Variants in TRIM26 observed in about 807,000 individuals in gnomAD.
TRIM26 encodes tripartite motif-containing protein 26.
In TRIM26, 16 loss-of-function variants were observed where a neutral mutation model predicts 45.5. The observed-to-expected ratio is 0.35, with a 90% confidence interval of 0.24 to 0.53. The LOEUF is 0.53. Among genes scored for constraint, TRIM26 ranks in the 20% least tolerant of loss-of-function variants. The pLI, the probability that TRIM26 is intolerant of heterozygous loss-of-function variation, is 0.92. For missense variants in TRIM26, 442 were observed against 691.1 expected, an observed-to-expected ratio of 0.64 and a Z score of 4.04; for synonymous variants, 273 against 290.4, an observed-to-expected ratio of 0.94 and a Z score of 0.61.
At position 30,189,329 on chromosome 6, in the gene TRIM26, G is replaced by A. The variant is rs760870815; in HGVS notation, c.904+89C>T. Reference sequence around the variant, plus strand: ...AGAGGCCCTCAGAAGAGTGAGGATCGACAAGGTGATGGAAAGGAGCTGGGT... The same window carrying A: ...AGAGGCCCTCAGAAGAGTGAGGATCAACAAGGTGATGGAAAGGAGCTGGGT... On this transcript the variant is annotated intron_variant, in intron 8 of 9. Coordinates refer to ENST00000454678, the MANE Select transcript of TRIM26 (RefSeq NM_003449.5). This position sits in a 1 kb window ranked among gnomAD's most constrained non-coding sequence, Gnocchi z 5.0. 9 of 1,566,708 alleles carry A rather than the reference G, an allele frequency of 5.7e-6. No individual in the cohort carries two copies. The South Asian group carries it at 7.8e-5, about 14-fold the overall frequency.
intron 9 of TRIM26, among the ~76,000 whole-genome samples, chr6:30,187,990 C>T (rs2517621): frequency 0.1 from 14,806 of 143,278 alleles, 917 homozygotes; most frequent in Non-Finnish European, 0.14. Context: ...GAGGCCGAGG[C>T]GGGTGGATCA....
rs371337600 is a variant in TRIM26, at chr6:30,189,412, C to T, written c.904+6G>A. On this transcript the variant is annotated splice_donor_region_variant and intron_variant, in intron 8 of 9. Transcript: ENST00000454678. The surrounding 1 kb of genome is among the most constrained non-coding windows in gnomAD (Gnocchi z 5.0). ...TCCCACCCTTTGTGCGCTCCCCAAC[C>T]CTTACCCTGGAATTCCCTCAGGCCT... is the stretch of plus-strand genomic sequence containing the variant. The T allele has an allele frequency of 6.0e-4, 963 of 1,612,872 alleles. 1 individual carries two copies. The highest frequency in any genetic ancestry group is 1.6e-3 in the Middle Eastern group (10 of 6,062).
intron 2 of TRIM26, among the ~76,000 whole-genome samples, chr6:30,202,945 A>G (rs986959559): frequency 1.1e-4 from 17 of 152,174 alleles, no homozygotes; most frequent in Non-Finnish European, 1.6e-4. Context: ...TGGATCCTGT[A>G]AAAAGAAAAA....
rs1203031191 is a variant in TRIM26, at chr6:30,185,367, T to G, written c.*509A>C. ...AAGCCTCAGTGGATTTTGTTTATTTTCAGCATTGCCATGTATGCTTAACTC... is the reference window on the plus strand; with the variant it reads ...AAGCCTCAGTGGATTTTGTTTATTTGCAGCATTGCCATGTATGCTTAACTC... On this transcript the variant is annotated 3_prime_UTR_variant, in exon 10 of 10. Transcript: ENST00000454678. This position sits in a 1 kb window ranked among gnomAD's most constrained non-coding sequence, Gnocchi z 5.7. The G allele has an allele frequency of 2.6e-5, 4 of 155,954 alleles. No homozygotes were observed. Among genetic ancestry groups the G allele is most frequent in the Non-Finnish European group, 4.2e-5 (3 of 70,876 alleles). 9.7% of individuals were successfully genotyped at this position (155,954 alleles called of 1,614,324 possible). A position where few individuals can be genotyped will look rare whatever the true frequency, so the allele number is the denominator to read the frequency against.
At chr6:30,203,153 C>T (rs183045098) in intron 2 of TRIM26, among the ~76,000 whole-genome samples, 1 of 149,466 alleles carries the variant, frequency 6.7e-6, no homozygotes, top group African/African-American at 2.5e-5. Flanking sequence ...AAGCAATCTT[C>T]TCATCTCAGG....
At position 30,199,137 on chromosome 6, in the gene TRIM26, G is replaced by A. The variant is rs762987335; in HGVS notation, c.-34C>T. 1.7e-5 allele frequency: 26 copies of A among 1,519,286 alleles called. No homozygotes were observed. Among genetic ancestry groups the A allele is most frequent in the Non-Finnish European group, 2.3e-5 (26 of 1,132,136 alleles). The allele number at this position is 1,519,286 out of a possible 1,614,324, so 94.1% of individuals were successfully genotyped here. On this transcript the variant is annotated 5_prime_UTR_variant, in exon 4 of 10. Transcript: ENST00000454678. Reference sequence around the variant, plus strand: ...TAGTTCAGAGAGGTCTCCGTTCACTGGTGAGGACTTCTTCTCCTTGGAGAC... The same window carrying A: ...TAGTTCAGAGAGGTCTCCGTTCACTAGTGAGGACTTCTTCTCCTTGGAGAC...
At position 30,184,920 on chromosome 6, in the gene TRIM26, C is replaced by G. The variant is rs1774994742; in HGVS notation, c.*956G>C. The G allele has an allele frequency of 6.5e-6, 1 of 152,892 alleles. No individual in the cohort carries two copies. The highest frequency in any genetic ancestry group is 1.5e-5 in the Non-Finnish European group (1 of 68,234). 9.5% of individuals were successfully genotyped at this position (152,892 alleles called of 1,614,324 possible). A position where few individuals can be genotyped will look rare whatever the true frequency, so the allele number is the denominator to read the frequency against. On this transcript the variant is annotated 3_prime_UTR_variant, in exon 10 of 10. Transcript: ENST00000454678. ...TTGTGGCCTCCTGCTGCCTTCCTTT[C>G]CCTGTCTTCCCATCTCCACTCTCTC...
intron 2 of TRIM26, among the ~76,000 whole-genome samples, chr6:30,203,272 T>A (rs1266269682): frequency 1.3e-5 from 2 of 151,920 alleles, no homozygotes; most frequent in Non-Finnish European, 2.9e-5. Context: ...CTCAAACTCC[T>A]AGGCTCAAGC....
chr6:30,203,707 G>A (rs568465191), intron 2 of TRIM26, among the ~76,000 whole-genome samples: 13 of 152,102 alleles, frequency 8.5e-5, no homozygotes, highest in South Asian at 2.1e-4. Context: ...GTGAGCCACC[G>A]CGCCCGGCTG....
At chr6:30,193,122 A>G (rs796246140) in intron 6 of TRIM26, among the ~76,000 whole-genome samples, 3 of 77,180 alleles carry the variant, frequency 3.9e-5, no homozygotes, top group Non-Finnish European at 7.5e-5. Context: ...ATATGTGTAT[A>G]TATATATACA....
chr6:30,187,498 C>T (rs1775309499), intron 9 of TRIM26: 1 of 524,612 alleles, frequency 1.9e-6, no homozygotes, highest in Non-Finnish European at 3.9e-6. Context: ...ACTTCATCCC[C>T]TTTTGCAGCT....
rs1368509666 is a variant in TRIM26 at position 30,190,054 on chromosome 6, A to C, written c.766-19T>G. On this transcript the variant is annotated intron_variant, in intron 6 of 9. Coordinates refer to ENST00000454678, the MANE Select transcript of TRIM26 (RefSeq NM_003449.5). This position sits in a 1 kb window ranked among gnomAD's most constrained non-coding sequence, Gnocchi z 4.3. ...TCGTGTCCTAGAAGGGAAAGAAAAA[A>C]GCACAAGTATCAATATGAATCAAAT... 3 of 1,612,654 alleles carry C rather than the reference A, an allele frequency of 1.9e-6. No individual in the cohort carries two copies. The highest frequency in any genetic ancestry group is 2.5e-6 in the Non-Finnish European group (3 of 1,179,810).
At chr6:30,211,790 A>G (rs1361591791) in intron 1 of TRIM26, among the ~76,000 whole-genome samples, 1 of 151,980 alleles carries the variant, frequency 6.6e-6, no homozygotes, top group African/African-American at 2.4e-5. Context: ...ATTATAAACC[A>G]AAGTATAAAA....
At position 30,199,211 on chromosome 6, in the gene TRIM26, C is replaced by CCTG; in HGVS notation, c.-109_-108insCAG. 9.4e-7 allele frequency: 1 copy of CCTG among 1,066,132 alleles called. No homozygotes were observed. Among genetic ancestry groups the CCTG allele is most frequent in the Non-Finnish European group, 1.3e-6 (1 of 757,318 alleles). 66.0% of individuals were successfully genotyped at this position (1,066,132 alleles called of 1,614,324 possible). A position where few individuals can be genotyped will look rare whatever the true frequency, so the allele number is the denominator to read the frequency against. On this transcript the variant is annotated 5_prime_UTR_variant, in exon 4 of 10. Coordinates refer to ENST00000454678, the MANE Select transcript of TRIM26 (RefSeq NM_003449.5). ...ACAGTAAAGGGGCAAAGGTGGCAGC[C>CCTG]TGCACAGGGCTGCCAGCTCCAGCAC... is the stretch of plus-strand genomic sequence containing the variant.
chr6:30,209,297 C>T lies in TRIM26; in HGVS notation c.-376+4008G>A, dbSNP rs548633623. ...TGATCAATTGCATGTCATAATTTAA[C>T]TGGCAAAATATTTTTTTGATGTGGA... is the stretch of plus-strand genomic sequence containing the variant. On this transcript the variant is annotated intron_variant, in intron 1 of 9. Transcript: ENST00000454678. This position sits in a 1 kb window ranked among gnomAD's most constrained non-coding sequence, Gnocchi z 4.8. Among the ~76,000 whole-genome samples the T allele has an allele frequency of 3.3e-5, 5 of 152,236 alleles. No homozygotes were observed. The South Asian group carries it at 6.2e-4, about 19-fold the overall frequency.
chr6:30,197,889 C>A (rs1208938118), intron 5 of TRIM26, among the ~76,000 whole-genome samples: 1 of 152,136 alleles, frequency 6.6e-6, no homozygotes, highest in Non-Finnish European at 1.5e-5. Flanking sequence ...GCTACGGAAC[C>A]CACAGATATG....
chr6:30,196,148 A>C lies in TRIM26; in HGVS notation c.765+368T>G, dbSNP rs1776435553. On this transcript the variant is annotated intron_variant, in intron 6 of 9. Coordinates refer to ENST00000454678, the MANE Select transcript of TRIM26 (RefSeq NM_003449.5). The surrounding 1 kb of genome is among the most constrained non-coding windows in gnomAD (Gnocchi z 4.9). ...CCTCCCTCAGCCACCCCCAACCACA[A>C]CACCATAAAAAGCTTCCACCAGCTG... Among the ~76,000 whole-genome samples the C allele has an allele frequency of 6.6e-6, 1 of 152,090 alleles. No individual in the cohort carries two copies. The highest frequency in any genetic ancestry group is 1.5e-5 in the Non-Finnish European group (1 of 68,016).
Position 30,196,835 on chromosome 6 carries a change from C to T in TRIM26, c.535-89G>A. The T allele has an allele frequency of 7.9e-7, 1 of 1,266,438 alleles. No homozygotes were observed. The highest frequency in any genetic ancestry group is 1.1e-6 in the Non-Finnish European group (1 of 894,252). The allele number at this position is 1,266,438 out of a possible 1,614,324, so 78.5% of individuals were successfully genotyped here. A position where few individuals can be genotyped will look rare whatever the true frequency, so the allele number is the denominator to read the frequency against. ...GAGGTGTGCAAGGCTGGCTCGTTCA[C>T]CTCGCTACCCCCGTTCAGGAATTCT... On this transcript the variant is annotated intron_variant, in intron 5 of 9. Transcript: ENST00000454678. The surrounding 1 kb of genome is among the most constrained non-coding windows in gnomAD (Gnocchi z 4.9).
chr6:30,188,617 C>T (rs1049618057), intron 9 of TRIM26: 6 of 227,580 alleles, frequency 2.6e-5, no homozygotes, highest in Middle Eastern at 1.9e-3. Context: ...CCAGACAGGC[C>T]GACCTCCTCA....
Sources: allele counts gnomAD v4.1 joint callset (sites outside exome capture counted in the v4.1 genomes callset), GRCh38; gene constraint gnomAD v4.1.1; non-coding constraint Gnocchi (gnomAD v3.1); transcripts MANE v1.5; gene names NCBI Gene and HGNC (gene_info 2026-07-23, HGNC 2026-07-21).